SLC14A2: variants seen among roughly 807,000 people sequenced by gnomAD.
SLC14A2 encodes urea transporter 2.
A neutral mutation model predicts 104.6 loss-of-function variants in SLC14A2; 91 were observed. The ratio of observed to expected loss-of-function variants is 0.87; its 90% CI spans 0.73 to 1.04. The LOEUF (loss-of-function observed/expected upper bound fraction) is 1.04. Ranked by LOEUF, SLC14A2 falls within the 50% of genes least tolerant of loss-of-function variation. The probability of loss-of-function intolerance (pLI) is 0.00; values close to 1 mark genes in which losing one functional copy is unlikely to be tolerated. For synonymous variants in SLC14A2, 476 were observed against 466.4 expected (o/e 1.02, Z -0.27); for missense variants, 1,189 against 1,156.0 (o/e 1.03, Z -0.41).
intron 2 of SLC14A2, among the ~76,000 whole-genome samples, chr18:45,525,668 G>A (rs1023046651): frequency 5.9e-5 from 9 of 152,184 alleles, no homozygotes; most frequent in Non-Finnish European, 1.0e-4. Context: ...ATTAGCATTT[G>A]GTAGATCTGC....
intron 10 of SLC14A2, among the ~76,000 whole-genome samples, chr18:45,651,843 A>G (rs560920084): frequency 1.3e-5 from 2 of 152,356 alleles, no homozygotes; most frequent in African/African-American, 2.4e-5. Flanking sequence ...CCAGTTAGCC[A>G]TTTGGCCACT....
chr18:45,658,656 C>T (rs2045883995), intron 10 of SLC14A2, among the ~76,000 whole-genome samples: 1 of 151,774 alleles, frequency 6.6e-6, no homozygotes, highest in Non-Finnish European at 1.5e-5. Flanking sequence ...GGTTGATATT[C>T]AGAAAGAGGG....
chr18:45,283,154 C>T (rs2084780036), intron 1 of SLC14A2, among the ~76,000 whole-genome samples: 1 of 152,170 alleles, frequency 6.6e-6, no homozygotes, highest in Admixed American at 6.5e-5. Flanking sequence ...TGCCCAGACA[C>T]TGACTTAATA....
intron 1 of SLC14A2, among the ~76,000 whole-genome samples, chr18:45,359,777 G>A (rs1008940769): frequency 6.6e-5 from 10 of 152,194 alleles, no homozygotes; most frequent in African/African-American, 2.4e-4. Flanking sequence ...CCACCAAATG[G>A]GGCAGGGTGT....
At chr18:45,335,958 G>A (rs1034964702) in intron 1 of SLC14A2, among the ~76,000 whole-genome samples, 2 of 152,172 alleles carry the variant, frequency 1.3e-5, no homozygotes, top group Non-Finnish European at 2.9e-5. Flanking sequence ...GGGCGATAAC[G>A]AGGAGAAAAT....
At chr18:45,301,689 AG>A (rs1054904439) in intron 1 of SLC14A2, among the ~76,000 whole-genome samples, 4 of 152,372 alleles carry the variant, frequency 2.6e-5, no homozygotes, top group South Asian at 4.1e-4. Flanking sequence ...TATAAGCCAA[AG>A]TAACAGCTTC....
At chr18:45,293,358 A>C (rs9954675) in intron 1 of SLC14A2, among the ~76,000 whole-genome samples, 10,821 of 152,224 alleles carry the variant, frequency 0.071, 482 homozygotes, top group East Asian at 0.16. Flanking sequence ...CTGGGGGAAA[A>C]GTGGTGAATG....
At chr18:45,236,469 ATACATGTATGTGTGTATATATG>A (rs2084250224) in intron 1 of SLC14A2, among the ~76,000 whole-genome samples, 2 of 73,216 alleles carry the variant, frequency 2.7e-5, no homozygotes, top group Non-Finnish European at 2.5e-5. Flanking sequence ...ATGTGTATAT[ATACATGTATGTGTGTATATATG>A]TGTATATATA....
chr18:45,637,002 T>C lies in SLC14A2; in HGVS notation c.663T>C (p.Ser221=). ...TFTAMSCPVL[S]SALNSIFSKW... Reference sequence around the variant, plus strand: ...CTTGCATCTTCAGCCCAGTTCTTTCTAGTGCCTTGAATTCCATCTTCAGCA... The same window carrying C: ...CTTGCATCTTCAGCCCAGTTCTTTCCAGTGCCTTGAATTCCATCTTCAGCA... Residue 221 remains serine (S), a synonymous_variant, in exon 6 of 20, where the codon TCT becomes TCC. Transcript: ENST00000255226. 6.2e-7 allele frequency: 1 copy of C among 1,614,028 alleles called. No individual in the cohort carries two copies. The highest frequency in any genetic ancestry group is 8.5e-7 in the Non-Finnish European group (1 of 1,179,898).
At chr18:45,392,070 A>C (rs1194093824) in intron 1 of SLC14A2, among the ~76,000 whole-genome samples, 1 of 152,230 alleles carries the variant, frequency 6.6e-6, no homozygotes, top group Non-Finnish European at 1.5e-5. Context: ...ATGTCTAGAG[A>C]AGTTTAATAA....
the SLC14A2 span, among the ~76,000 whole-genome samples, chr18:45,193,134 C>G: frequency 6.6e-6 from 1 of 152,140 alleles, no homozygotes; most frequent in African/African-American, 2.4e-5. Context: ...ATTCTGAATA[C>G]AATCCTTTAG....
At chr18:45,216,955 A>G (rs2084016530) in intron 1 of SLC14A2, among the ~76,000 whole-genome samples, 1 of 151,918 alleles carries the variant, frequency 6.6e-6, no homozygotes, top group South Asian at 2.1e-4. Context: ...TATTCTCCAC[A>G]CTCTAAGTTA....
rs1451708666 is a variant in SLC14A2, at chr18:45,672,962, A to T, written c.2292A>T (p.Gly764=). Residue 764 remains glycine, a synonymous_variant, in exon 17 of 20, where the codon GGA becomes GGT. Coordinates refer to ENST00000255226, the MANE Select transcript of SLC14A2 (RefSeq NM_007163.4). ...ACGGCTGTGATAACCCCTGGACTGG[A>T]GGCATCTTCCTCATAGCTCTGTTCA... is the stretch of plus-strand genomic sequence containing the variant. The part of the protein sequence containing the change: ...QVYGCDNPWT[G]GIFLIALFIS... The T allele has an allele frequency of 4.3e-6, 7 of 1,613,992 alleles. No individual in the cohort carries two copies. The highest frequency in any genetic ancestry group is 5.9e-6 in the Non-Finnish European group (7 of 1,179,996).
intron 1 of SLC14A2, among the ~76,000 whole-genome samples, chr18:45,414,504 T>C (rs1195536086): frequency 6.6e-6 from 1 of 151,794 alleles, no homozygotes; most frequent in Non-Finnish European, 1.5e-5. Context: ...TACCTATCCA[T>C]CCATGTATCC....
rs377205157 is a variant in SLC14A2 at position 45,438,983 on chromosome 18, T to C, written c.-124-44250T>C. Among the ~76,000 whole-genome samples the C allele has an allele frequency of 5.9e-5, 9 of 152,290 alleles. No homozygotes were observed. The East Asian group carries it at 7.7e-4, about 13-fold the overall frequency. ...GAGTAAGAGAAGACAGTGGCAGCCC[T>C]GGTATTAAAACCCAGACAGGCTAGA... On this transcript the variant is annotated intron_variant, in intron 1 of 20. Transcript: ENST00000586448.
chr18:45,423,817 G>A (rs1372446274), intron 1 of SLC14A2: 1 of 152,192 alleles, frequency 6.6e-6, no homozygotes, highest in African/African-American at 2.4e-5. Flanking sequence ...CAGAAGTGCT[G>A]GTAATTGGTG....
chr18:45,482,482 T>C (rs543851239), intron 1 of SLC14A2: 1 of 152,312 alleles, frequency 6.6e-6, no homozygotes, highest in East Asian at 1.9e-4. Context: ...AGGTATTTGA[T>C]GGAGCTACAA....
chr18:45,661,850 A>C (rs932570300), intron 10 of SLC14A2, among the ~76,000 whole-genome samples: 1 of 152,162 alleles, frequency 6.6e-6, no homozygotes, highest in Non-Finnish European at 1.5e-5. Context: ...GGACAAGTTG[A>C]CACTCCAGGT....
In SLC14A2 at chr18:45,258,611, C is replaced by T. The variant is rs1568124507; in HGVS notation, c.-125+45420C>T. ...GACCTTTCTTATTGCTTCTTCCTGACATAATAAGTGCAAATTATATTGATC... is the reference window on the plus strand; with the variant it reads ...GACCTTTCTTATTGCTTCTTCCTGATATAATAAGTGCAAATTATATTGATC... On this transcript the variant is annotated intron_variant, in intron 1 of 20. Coordinates refer to the SLC14A2 transcript ENST00000586448. Among the ~76,000 whole-genome samples, 4 of 143,170 alleles carry T rather than the reference C, an allele frequency of 2.8e-5. 1 individual carries two copies. Among genetic ancestry groups the T allele is most frequent in the Admixed American group, 1.4e-4 (2 of 14,720 alleles). The allele number at this position is 143,170 out of a possible 152,430, so 93.9% of individuals were successfully genotyped here. A position where few individuals can be genotyped will look rare whatever the true frequency, so the allele number is the denominator to read the frequency against.
Sources: gnomAD v4.1 joint callset for allele counts (sites outside exome capture counted in the v4.1 genomes callset) on GRCh38, gnomAD v4.1.1 for gene constraint, MANE v1.5 for transcripts, NCBI Gene and HGNC (gene_info 2026-07-23, HGNC 2026-07-21) for gene names.